TUB: variants seen among roughly 807,000 people sequenced by gnomAD.
TUB encodes the protein tubby protein homolog.
A neutral mutation model predicts 59.7 loss-of-function variants in TUB; 33 were observed. That is an observed-to-expected ratio of 0.55 (90% CI 0.42 to 0.74). TUB has a LOEUF of 0.74. Ranked by LOEUF, TUB falls within the 30% of genes least tolerant of loss-of-function variation. The pLI is 0.00. For missense variants in TUB, 659 were observed against 672.0 expected (o/e 0.98, Z 0.21); for synonymous variants, 293 against 256.4 (o/e 1.14, Z -1.36).
chr11:8,066,621 C>T (rs985823977), intron 2 of TUB, among the ~76,000 whole-genome samples: 2 of 152,186 alleles, frequency 1.3e-5, no homozygotes, highest in African/African-American at 4.8e-5. Flanking sequence ...CGCTCAGCAG[C>T]TAGAGGAGTT....
At chr11:8,087,777 A>T (rs1184822666) in intron 1 of TUB, among the ~76,000 whole-genome samples, 1 of 152,056 alleles carries the variant, frequency 6.6e-6, no homozygotes, top group Non-Finnish European at 1.5e-5. Context: ...TAGAGATGGG[A>T]GGGTTGTAGC....
At chr11:8,085,427 C>T (rs758870665) in intron 1 of TUB, among the ~76,000 whole-genome samples, 14 of 152,246 alleles carry the variant, frequency 9.2e-5, no homozygotes, top group Non-Finnish European at 1.9e-4. Flanking sequence ...CTCCTGTGAG[C>T]AGTGTGGTCC....
intron 1 of TUB, among the ~76,000 whole-genome samples, chr11:8,089,058 G>A (rs1943720288): frequency 6.6e-6 from 1 of 152,214 alleles, no homozygotes; most frequent in Admixed American, 6.5e-5. Context: ...TCTTTAAGTG[G>A]GGAAGGGGAG....
rs567530337 is a variant in TUB at position 8,093,532 on chromosome 11, T to C, written c.254-514T>C. ...CTTCTGAGACCTCACTGTTGGTGCC[T>C]GTAGCTTCTTGTGTCCCAGAGTTGT... On this transcript the variant is annotated intron_variant, in intron 3 of 11. Transcript: ENST00000299506. 4.0e-4 allele frequency among the ~76,000 whole-genome samples: 61 copies of C among 152,180 alleles called. 1 individual carries two copies. Among genetic ancestry groups the C allele is most frequent in the Non-Finnish European group, 7.5e-4 (51 of 68,032 alleles).
At chr11:8,079,673 G>GGC (rs1554928055), upstream of TUB, among the ~76,000 whole-genome samples, 1 of 149,360 alleles carries the variant, frequency 6.7e-6, no homozygotes, top group Non-Finnish European at 1.5e-5. Context: ...CATGTGTGTA[G>GGC]GTGTGTGTAG....
chr11:8,061,905 C>A (rs58140210), intron 2 of TUB, among the ~76,000 whole-genome samples: 3 of 152,050 alleles, frequency 2.0e-5, no homozygotes, highest in African/African-American at 7.2e-5. Context: ...AGATAGGGCT[C>A]AGAAAGTTGC....
chr11:8,021,647 G>A (rs1457208602), intron 1 of TUB, among the ~76,000 whole-genome samples: 1 of 152,042 alleles, frequency 6.6e-6, no homozygotes, highest in Non-Finnish European at 1.5e-5. Flanking sequence ...CAGGCGTGGT[G>A]GCTCACGCCT....
chr11:8,040,440 G>A (rs189356306), intron 2 of TUB, among the ~76,000 whole-genome samples: 101 of 152,266 alleles, frequency 6.6e-4, no homozygotes, highest in African/African-American at 2.3e-3. Flanking sequence ...GAAATGGGGG[G>A]CACCTGGGGC....
chr11:8,099,651 A>G (rs1944168088), intron 9 of TUB, among the ~76,000 whole-genome samples: 1 of 152,262 alleles, frequency 6.6e-6, no homozygotes, highest in South Asian at 2.1e-4. Context: ...AAGCTATGAA[A>G]CAGATCTATC....
intron 2 of TUB, among the ~76,000 whole-genome samples, chr11:8,055,260 A>C (rs770998532): frequency 9.9e-5 from 15 of 152,122 alleles, no homozygotes; most frequent in African/African-American, 2.4e-5. Context: ...GGAGAATGCA[A>C]GATAGTGAGT....
At chr11:8,079,376 C>T (rs896915113), upstream of TUB, among the ~76,000 whole-genome samples, 2 of 152,246 alleles carry the variant, frequency 1.3e-5, no homozygotes, top group East Asian at 3.9e-4. Flanking sequence ...GCTGCGGTCT[C>T]CAGGGTAGGG....
At chr11:8,087,888 C>T (rs1943697487) in intron 1 of TUB, among the ~76,000 whole-genome samples, 3 of 152,208 alleles carry the variant, frequency 2.0e-5, no homozygotes, top group Admixed American at 2.0e-4. Context: ...GTGTGCCTTC[C>T]ACAATGGGAT....
chr11:8,066,626 G>A (rs1474409912), intron 2 of TUB, among the ~76,000 whole-genome samples: 2 of 152,166 alleles, frequency 1.3e-5, no homozygotes, highest in African/African-American at 4.8e-5. Context: ...AGCAGCTAGA[G>A]GAGTTCAGGG....
intron 1 of TUB, among the ~76,000 whole-genome samples, chr11:8,024,066 T>C (rs2133698744): frequency 6.6e-6 from 1 of 152,362 alleles, no homozygotes; most frequent in South Asian, 2.1e-4. Context: ...ACCTCAGGCA[T>C]GTTCCTTATA....
rs746966098 is a variant in TUB at position 8,094,201 on chromosome 11, T to C, written c.397+12T>C. 4.4e-6 allele frequency: 7 copies of C among 1,606,638 alleles called. 1 individual carries two copies. In the South Asian group the frequency reaches 7.8e-5, roughly 18 times the overall value. On this transcript the variant is annotated intron_variant, in intron 4 of 11. Transcript: ENST00000299506. ...GGGAAAGCACAAAGGTCAGCTCACA[T>C]TCTCTACAGCCCTCCCCAGCAGGCC...
intron 1 of TUB, among the ~76,000 whole-genome samples, chr11:8,085,615 A>G (rs1196241231): frequency 6.6e-6 from 1 of 152,256 alleles, no homozygotes; most frequent in African/African-American, 2.4e-5. Context: ...TCCTGGGTCC[A>G]GCAGGGGTAG....
At chr11:8,060,566 T>G (rs1449252515) in intron 2 of TUB, among the ~76,000 whole-genome samples, 2 of 152,156 alleles carry the variant, frequency 1.3e-5, no homozygotes, top group Non-Finnish European at 2.9e-5. Flanking sequence ...CCAGTGATTT[T>G]CAAATGACAT....
At chr11:8,034,056 A>G (rs535371635), upstream of TUB, among the ~76,000 whole-genome samples, 21 of 152,324 alleles carry the variant, frequency 1.4e-4, no homozygotes, top group South Asian at 1.2e-3. Context: ...AAGGGCTGCG[A>G]TGGGCTCTGG....
Position 8,054,997 on chromosome 11 carries a change from A to T in TUB, c.203+15305A>T, listed in dbSNP as rs574450129. ...GTCCTAGAGTCACTCTGTCATGACT[A>T]ACCCAAGTCTGGAGCCCAGGCCTAG... On this transcript the variant is annotated intron_variant, in intron 2 of 12. Transcript: ENST00000305253. 1.9e-4 allele frequency among the ~76,000 whole-genome samples: 29 copies of T among 152,288 alleles called. 1 individual carries two copies. Among genetic ancestry groups the T allele is most frequent in the African/African-American group, 7.0e-4 (29 of 41,558 alleles).
Sources: gnomAD v4.1 joint callset for allele counts (sites outside exome capture counted in the v4.1 genomes callset) on GRCh38, gnomAD v4.1.1 for gene constraint, MANE v1.5 for transcripts, NCBI Gene and HGNC (gene_info 2026-07-23, HGNC 2026-07-21) for gene names.